Variants in RINL observed in about 807,000 individuals in gnomAD.
The protein encoded by RINL is Ras and Rab interactor like, also known as ras and Rab interactor-like protein.
In RINL, 39 loss-of-function variants were observed where a neutral mutation model predicts 58.1. The ratio of observed to expected loss-of-function variants is 0.67; its 90% CI spans 0.52 to 0.88. RINL has a LOEUF of 0.88. Ranked by LOEUF, RINL falls within the 40% of genes least tolerant of loss-of-function variation. RINL has a pLI of 0.00. For synonymous variants in RINL, 286 were observed against 323.1 expected (o/e 0.89, Z 1.23); for missense variants, 711 against 749.2 (o/e 0.95, Z 0.60).
intron 6 of RINL, 76 bp from the exon 7 acceptor site, chr19:38,871,303 C>T: frequency 8.5e-6 from 13 of 1,525,666 alleles, no homozygotes; most frequent in Non-Finnish European, 9.9e-6. Flanking sequence ...CGCCAGGAGA[C>T]TTACTTCCCA....
intron 3 of RINL, among the ~76,000 whole-genome samples, chr19:38,874,923 G>A (rs1235343555): frequency 6.6e-6 from 1 of 151,650 alleles, no homozygotes; most frequent in Non-Finnish European, 1.5e-5. Flanking sequence ...TCACCTGAGG[G>A]CAGGAGTTCG....
chr19:38,870,421 G>T lies in RINL; in HGVS notation c.1024+149C>A. On this transcript the variant is annotated intron_variant, in intron 8 of 11. Coordinates refer to ENST00000591812, the MANE Select transcript of RINL (RefSeq NM_001195833.2). This position sits in a 1 kb window ranked among gnomAD's most constrained non-coding sequence, Gnocchi z 5.8. The stretch of plus-strand genomic sequence containing the variant: ...AACATGTGTGGAAGAGTTAGCCTGG[G>T]TGTGAACTTGCGCGCATACGTGGGC... 1.9e-6 allele frequency: 2 copies of T among 1,052,102 alleles called. No individual in the cohort carries two copies. Among genetic ancestry groups the T allele is most frequent in the Non-Finnish European group, 2.7e-6 (2 of 752,118 alleles). The allele number at this position is 1,052,102 out of a possible 1,614,324, so 65.2% of individuals were successfully genotyped here.
At chr19:38,871,950 C>T (rs920939818) in intron 4 of RINL, 80 bp from the exon 5 acceptor site, 2 of 1,087,286 alleles carry the variant, frequency 1.8e-6, no homozygotes, top group Non-Finnish European at 2.8e-6. Context: ...CTTGCTCCTC[C>T]ATTCCTTCAG....
At chr19:38,875,466 A>G (rs868198529) in intron 3 of RINL, among the ~76,000 whole-genome samples, 1 of 152,006 alleles carries the variant, frequency 6.6e-6, no homozygotes, top group African/African-American at 2.4e-5. Context: ...ACCTGACGTC[A>G]GGAGTTTGAG....
In RINL at chr19:38,871,478, C is replaced by A. The variant is rs143260899; in HGVS notation, c.451+169G>T. On this transcript the variant is annotated intron_variant, in intron 6 of 11. Transcript: ENST00000591812. ...GTTAGGACCTAGGAATACAGGCCCC[C>A]ATCCCCTCCTCCCTCTGGGACTACA... 7.1e-4 allele frequency: 501 copies of A among 704,492 alleles called. 3 individuals are homozygous for A. In the African/African-American group the frequency reaches 8.1e-3, roughly 11 times the overall value. 43.6% of individuals were successfully genotyped at this position (704,492 alleles called of 1,614,324 possible).
At chr19:38,874,831 G>A (rs910376274) in intron 3 of RINL, among the ~76,000 whole-genome samples, 137 of 152,294 alleles carry the variant, frequency 9.0e-4, no homozygotes, top group African/African-American at 3.2e-3. Context: ...CGTCCCAAGA[G>A]AGCTGTTAAA....
At position 38,876,520 on chromosome 19, in the gene RINL, G is replaced by A. The variant is rs1211453320; in HGVS notation, c.51-30C>T. Reference sequence around the variant, plus strand: ...GATGGACAGTGTCCAGGGAGTCAGGGGTCAGAGGTGGGCAGTGGGACAATG... The same window carrying A: ...GATGGACAGTGTCCAGGGAGTCAGGAGTCAGAGGTGGGCAGTGGGACAATG... On this transcript the variant is annotated intron_variant, in intron 2 of 11. Coordinates refer to ENST00000591812, the MANE Select transcript of RINL (RefSeq NM_001195833.2). 3 of 1,533,510 alleles carry A rather than the reference G, an allele frequency of 2.0e-6. No individual in the cohort carries two copies. The Admixed American group carries it at 5.9e-5, about 30-fold the overall frequency. The allele number at this position is 1,533,510 out of a possible 1,614,324, so 95.0% of individuals were successfully genotyped here.
intron 4 of RINL, 169 bp downstream of exon 4, chr19:38,873,717 G>T (rs553473058): frequency 3.2e-5 from 17 of 524,844 alleles, no homozygotes; most frequent in Non-Finnish European, 5.9e-5. Flanking sequence ...GTAGAGACGG[G>T]GTTTTGCCAT....
At chr19:38,873,383 G>A (rs1012018379) in intron 4 of RINL, among the ~76,000 whole-genome samples, 18 of 152,186 alleles carry the variant, frequency 1.2e-4, no homozygotes, top group African/African-American at 4.3e-4. Context: ...GACGTTGCAT[G>A]CTCTTTGCAG....
chr19:38,872,835 A>G (rs1972842961), intron 4 of RINL, among the ~76,000 whole-genome samples: 1 of 152,190 alleles, frequency 6.6e-6, no homozygotes, highest in South Asian at 2.1e-4. Flanking sequence ...CTATGTAACA[A>G]ACCTGCACAT....
rs1203845914 is a variant in RINL at position 38,876,701 on chromosome 19, C to A, written c.42G>T (p.Glu14Asp). The A allele has an allele frequency of 6.5e-7, 1 of 1,535,984 alleles. No homozygotes were observed. Among genetic ancestry groups the A allele is most frequent in the African/African-American group, 1.4e-5 (1 of 73,048 alleles). ...AGCCCTAGTAGCCTCACCTCACCCC[C>A]TCTGTGGGGACTTCAGGTGCCTTGT... ...PEDKAPEVPT[E>D]GVRLVPPQVN... is the part of the protein sequence containing the mutation. The change falls in exon 2 of 12, where the codon GAG (glutamate) becomes GAT (aspartate). Residue 14 changes from glutamate (E) to aspartate (D), a missense_variant. Coordinates refer to ENST00000591812, the MANE Select transcript of RINL (RefSeq NM_001195833.2).
chr19:38,869,319 G>A lies in RINL; in HGVS notation c.1566C>T (p.Ser522=). ...ETDRAPRGLS[S]EARASLHQWH... is the part of the protein sequence containing the mutation. ...ACTGGTGCAGGGAGGCGCGGGCCTC[G>A]GAGCTGAGCCCCCGGGGAGCGCGGT... The change falls in exon 11 of 12, where the codon TCC becomes TCT. Residue 522 remains serine (S), a synonymous_variant. Transcript: ENST00000591812. The surrounding 1 kb of genome is among the most constrained non-coding windows in gnomAD (Gnocchi z 5.7). 1 of 1,614,016 alleles carries A rather than the reference G, an allele frequency of 6.2e-7. No homozygotes were observed. Among genetic ancestry groups the A allele is most frequent in the Middle Eastern group, 1.7e-4 (1 of 6,060 alleles).
At position 38,871,875 on chromosome 19, in the gene RINL, G is replaced by A; in HGVS notation, c.314-5C>T. On this transcript the variant is annotated splice_polypyrimidine_tract_variant and splice_region_variant and intron_variant, in intron 4 of 11. Coordinates refer to ENST00000591812, the MANE Select transcript of RINL (RefSeq NM_001195833.2). The stretch of plus-strand genomic sequence containing the variant: ...TGGAGGATTCCAGGGACACACCTGT[G>A]GTGGGGGGAGGAAGAAGGAGAAAGT... 1.2e-6 allele frequency: 2 copies of A among 1,612,262 alleles called. No individual in the cohort carries two copies. The highest frequency in any genetic ancestry group is 1.7e-6 in the Non-Finnish European group (2 of 1,178,454).
intron 3 of RINL, among the ~76,000 whole-genome samples, chr19:38,874,296 G>A (rs952315021): frequency 5.3e-5 from 8 of 151,442 alleles, no homozygotes; most frequent in East Asian, 1.9e-4. Context: ...TTTTTGAGAC[G>A]GAGTCTTGCC....
At chr19:38,875,008 GC>G (rs1483932511) in intron 3 of RINL, among the ~76,000 whole-genome samples, 1 of 151,542 alleles carries the variant, frequency 6.6e-6, no homozygotes, top group Non-Finnish European at 1.5e-5. Context: ...AATGGCGGGC[GC>G]CTGTAATCCC....
At chr19:38,876,614 G>A (rs557155784) in intron 2 of RINL, 79 bp downstream of exon 2, 11 of 1,456,622 alleles carry the variant, frequency 7.6e-6, no homozygotes, top group Middle Eastern at 3.4e-4. Context: ...TCAGGATTCT[G>A]TAGTGAGGGA....
rs1396293760 is a variant in RINL at position 38,871,064 on chromosome 19, C to T, written c.601+14G>A. The stretch of plus-strand genomic sequence containing the variant: ...TCCCTCCCCTTCAGAGGCCCAGGGC[C>T]CCGCCCAGCTAACCTGGATCATGTC... On this transcript the variant is annotated intron_variant, in intron 7 of 11. Transcript: ENST00000591812. 1 of 1,585,810 alleles carries T rather than the reference C, an allele frequency of 6.3e-7. No individual in the cohort carries two copies. Among genetic ancestry groups the T allele is most frequent in the East Asian group, 2.2e-5 (1 of 44,766 alleles).
At position 38,870,045 on chromosome 19, in the gene RINL, G is replaced by A. The variant is rs1264608949; in HGVS notation, c.1240C>T (p.Leu414Phe). 3 of 1,546,912 alleles carry A rather than the reference G, an allele frequency of 1.9e-6. No individual in the cohort carries two copies. Residue 414 changes from leucine to phenylalanine, a missense_variant, in exon 9 of 12, where the codon CTT (leucine) becomes TTT (phenylalanine). Coordinates refer to ENST00000591812, the MANE Select transcript of RINL (RefSeq NM_001195833.2). This position sits in a 1 kb window ranked among gnomAD's most constrained non-coding sequence, Gnocchi z 5.8. Reference protein sequence around the residue: ...PALRSRIHERLAHLHAACAPR... With the variant: ...PALRSRIHERFAHLHAACAPR... ...GCGCAGGCAGCGTGGAGGTGCGCAA[G>A]GCGCTCGTGGATGCGGCTCCGCAAG...
Position 38,869,234 on chromosome 19 carries a change from G to C in RINL, c.1638+13C>G. On this transcript the variant is annotated intron_variant, in intron 11 of 11. Coordinates refer to ENST00000591812, the MANE Select transcript of RINL (RefSeq NM_001195833.2). The surrounding 1 kb of genome is among the most constrained non-coding windows in gnomAD (Gnocchi z 5.7). ...TCACCCTCCCTTCTACTTGCAGCCAGATGGGCAGTCACCTGGGCTCTGGGA... is the reference window on the plus strand; with the variant it reads ...TCACCCTCCCTTCTACTTGCAGCCACATGGGCAGTCACCTGGGCTCTGGGA... 1 of 1,614,190 alleles carries C rather than the reference G, an allele frequency of 6.2e-7. No homozygotes were observed. Among genetic ancestry groups the C allele is most frequent in the East Asian group, 2.2e-5 (1 of 44,878 alleles).
Sources: allele counts gnomAD v4.1 joint callset (sites outside exome capture counted in the v4.1 genomes callset), GRCh38; gene constraint gnomAD v4.1.1; non-coding constraint Gnocchi (gnomAD v3.1); transcripts MANE v1.5; gene names NCBI Gene and HGNC (gene_info 2026-07-23, HGNC 2026-07-21).